The following LAMA3 variants were observed in gnomAD, a reference collection of about 807,000 sequenced individuals.
LAMA3 encodes the protein laminin subunit alpha 3.
In LAMA3, 281 loss-of-function variants were observed where a neutral mutation model predicts 402.0. That is an observed-to-expected ratio of 0.70 (90% CI 0.63 to 0.77). The LOEUF is 0.77. Ranked by LOEUF, LAMA3 falls within the 30% of genes least tolerant of loss-of-function variation. The probability of loss-of-function intolerance (pLI) is 0.00; values close to 1 mark genes in which losing one functional copy is unlikely to be tolerated. For synonymous variants in LAMA3, 1,431 were observed against 1,558.4 expected (o/e 0.92, Z 1.93); for missense variants, 3,840 against 4,215.5 (o/e 0.91, Z 2.47).
At chr18:23,714,207 A>G (rs2061052220) in intron 2 of LAMA3, 135 bp downstream of exon 2, 1 of 922,454 alleles carries the variant, frequency 1.1e-6, no homozygotes, top group Non-Finnish European at 1.6e-6. Flanking sequence ...AACCTGTTAC[A>G]TTAACATTTG....
Position 23,904,678 on chromosome 18 carries a change from C to T in LAMA3, c.6599C>T (p.Ser2200Phe), listed in dbSNP as rs375880671. The change falls in exon 51 of 75, where the codon TCT becomes TTT. Residue 2200 changes from serine to phenylalanine, a missense_variant. Ser to Phe is a radical substitution (Grantham distance 155, BLOSUM62 -2). Transcript: ENST00000313654. ...EDAANRAASASESALQTVIKE... is the reference protein window; with the variant it reads ...EDAANRAASAFESALQTVIKE... ...GCAGCCAACAGGGCTGCCAGTGCATCTGAATCTGCCCTCCAGGTGGGCACC... is the reference window on the plus strand; with the variant it reads ...GCAGCCAACAGGGCTGCCAGTGCATTTGAATCTGCCCTCCAGGTGGGCACC... 2.5e-6 allele frequency: 4 copies of T among 1,614,010 alleles called. No individual in the cohort carries two copies. The highest frequency in any genetic ancestry group is 3.4e-6 in the Non-Finnish European group (4 of 1,180,044).
In LAMA3 at chr18:23,916,005, CCAAAAAAAAAAAAAA is replaced by C. The variant is rs1456181980; in HGVS notation, c.7779-545_7779-531del. Among the ~76,000 whole-genome samples, 7 of 41,954 alleles carry C rather than the reference CCAAAAAAAAAAAAAA, an allele frequency of 1.7e-4. No individual in the cohort carries two copies. The South Asian group carries it at 6.6e-3, about 40-fold the overall frequency. The allele number at this position is 41,954 out of a possible 152,430, so 27.5% of individuals were successfully genotyped here. ...TGGGCGACAGAGTGAGACTCCATCTCCAAAAAAAAAAAAAAAAAAAAAAAAAGAAAAGAAAAGAAA... is the reference window on the plus strand; with the variant it reads ...TGGGCGACAGAGTGAGACTCCATCTCAAAAAAAAAAAGAAAAGAAAAGAAA... On this transcript the variant is annotated intron_variant, in intron 59 of 74. Transcript: ENST00000313654.
intron 14 of LAMA3, among the ~76,000 whole-genome samples, 168 bp from the exon 15 acceptor site, chr18:23,814,235 A>T (rs2063133077): frequency 6.6e-6 from 1 of 152,254 alleles, no homozygotes; most frequent in Admixed American, 6.5e-5. Flanking sequence ...AATAAACAAA[A>T]GCAATTAGCA....
chr18:23,935,916 G>A (rs1052804411), intron 67 of LAMA3, among the ~76,000 whole-genome samples: 3 of 151,840 alleles, frequency 2.0e-5, no homozygotes, highest in Non-Finnish European at 4.4e-5. Flanking sequence ...AGTGTGGGTC[G>A]AATTTAGCTG....
chr18:23,763,969 C>T (rs563326965), intron 8 of LAMA3, among the ~76,000 whole-genome samples: 22 of 152,256 alleles, frequency 1.4e-4, no homozygotes, highest in African/African-American at 5.1e-4. Flanking sequence ...ATATGAAACA[C>T]TAATTTTTCA....
intron 41 of LAMA3, among the ~76,000 whole-genome samples, chr18:23,885,083 C>T (rs1241992023): frequency 6.6e-6 from 1 of 152,070 alleles, no homozygotes; most frequent in Non-Finnish European, 1.5e-5. Context: ...AACGCATACA[C>T]TCACCCACAA....
intron 32 of LAMA3, among the ~76,000 whole-genome samples, chr18:23,856,954 G>A (rs2064094966): frequency 6.6e-6 from 1 of 151,910 alleles, no homozygotes; most frequent in Non-Finnish European, 1.5e-5. Context: ...TCACCCTCTG[G>A]GCTCCATCCT....
At chr18:23,919,833 G>A (rs2081767663) in intron 60 of LAMA3, among the ~76,000 whole-genome samples, 1 of 151,524 alleles carries the variant, frequency 6.6e-6, no homozygotes, top group Non-Finnish European at 1.5e-5. Context: ...GCTCCCACTG[G>A]CATTTTCAAA....
chr18:23,713,293 T>C (rs571886093), intron 1 of LAMA3, among the ~76,000 whole-genome samples: 1 of 152,234 alleles, frequency 6.6e-6, no homozygotes, highest in African/African-American at 2.4e-5. Context: ...TTGCTCGTGC[T>C]GGTTCCTCTA....
chr18:23,790,123 C>T (rs1455260614), intron 12 of LAMA3, among the ~76,000 whole-genome samples: 1 of 152,200 alleles, frequency 6.6e-6, no homozygotes, highest in Non-Finnish European at 1.5e-5. Flanking sequence ...TCTTTACTCT[C>T]AGCCTGGTAT....
chr18:23,729,122 ATGTGTGTGTG>A (rs72333694), intron 2 of LAMA3, among the ~76,000 whole-genome samples: 53 of 147,078 alleles, frequency 3.6e-4, no homozygotes, highest in African/African-American at 3.3e-4. Flanking sequence ...TTGTGTGTGT[ATGTGTGTGTG>A]TGTGTGTGTG....
chr18:23,942,388 AGG>A (rs1403721546), intron 68 of LAMA3, among the ~76,000 whole-genome samples: 4 of 152,150 alleles, frequency 2.6e-5, no homozygotes, highest in Admixed American at 6.5e-5. Flanking sequence ...AAACCACTCA[AGG>A]AAGGAAACAT....
At chr18:23,876,661 C>T (rs1002797290) in intron 39 of LAMA3, among the ~76,000 whole-genome samples, 1 of 152,216 alleles carries the variant, frequency 6.6e-6, no homozygotes, top group African/African-American at 2.4e-5. Flanking sequence ...ATCTCTCCTT[C>T]GTGAAATGAT....
At chr18:23,722,283 T>C (rs2061228497) in intron 2 of LAMA3, among the ~76,000 whole-genome samples, 2 of 152,216 alleles carry the variant, frequency 1.3e-5, no homozygotes, top group East Asian at 3.8e-4. Context: ...AAACCCTTCC[T>C]GGCTGCCTGC....
chr18:23,721,803 T>G (rs534044272), intron 2 of LAMA3, among the ~76,000 whole-genome samples: 16 of 152,314 alleles, frequency 1.1e-4, no homozygotes, highest in African/African-American at 3.1e-4. Context: ...TCCCAGCATC[T>G]ACTCTCAGCT....
At chr18:23,759,475 A>C (rs2061924953) in intron 7 of LAMA3, among the ~76,000 whole-genome samples, 1 of 152,192 alleles carries the variant, frequency 6.6e-6, no homozygotes. Flanking sequence ...CATTCACTGC[A>C]ACCTCTGCCT....
At chr18:23,752,563 C>T (rs1328598877) in intron 5 of LAMA3, among the ~76,000 whole-genome samples, 1 of 152,124 alleles carries the variant, frequency 6.6e-6, no homozygotes, top group East Asian at 1.9e-4. Context: ...GGGGGCTTCT[C>T]TTGCTGCTGC....
chr18:23,868,835 T>C (rs1482342527), intron 37 of LAMA3, among the ~76,000 whole-genome samples: 1 of 152,358 alleles, frequency 6.6e-6, no homozygotes, highest in East Asian at 1.9e-4. Flanking sequence ...GTTATACTTA[T>C]TTGGTTACAA....
chr18:23,922,100 GAATT>G (rs2081862697), intron 62 of LAMA3, among the ~76,000 whole-genome samples: 1 of 151,850 alleles, frequency 6.6e-6, no homozygotes, highest in East Asian at 1.9e-4. Flanking sequence ...GTGAACACAT[GAATT>G]AATTAATGTG....
Sources: gnomAD v4.1 joint callset for allele counts (sites outside exome capture counted in the v4.1 genomes callset) on GRCh38, gnomAD v4.1.1 for gene constraint, MANE v1.5 for transcripts, NCBI Gene and HGNC (gene_info 2026-07-23, HGNC 2026-07-21) for gene names.